The following WDPCP variants were observed in gnomAD, a reference collection of about 807,000 sequenced individuals.
The protein encoded by WDPCP is WD repeat containing planar cell polarity effector, also known as WD repeat-containing and planar cell polarity effector protein fritz homolog.
A neutral mutation model predicts 93.1 loss-of-function variants in WDPCP; 71 were observed. That is an observed-to-expected ratio of 0.76 (90% CI 0.63 to 0.93). The LOEUF (loss-of-function observed/expected upper bound fraction) is 0.93. WDPCP is among the 40% of genes least tolerant of loss of function. The probability of loss-of-function intolerance (pLI) is 0.00; values close to 1 mark genes in which losing one functional copy is unlikely to be tolerated. For synonymous variants in WDPCP, 315 were observed against 315.0 expected, an observed-to-expected ratio of 1.00 and a Z score of 0.00; for missense variants, 844 against 887.4, an observed-to-expected ratio of 0.95 and a Z score of 0.62.
intron 15 of WDPCP, 34 bp downstream of exon 15, chr2:63,174,636 T>C: frequency 1.2e-6 from 2 of 1,612,604 alleles, no homozygotes; most frequent in Non-Finnish European, 8.5e-7. Context: ...CTAAATACTT[T>C]ATGGAGCAAT....
intron 12 of WDPCP, among the ~76,000 whole-genome samples, chr2:63,332,343 T>C (rs531845292): frequency 6.6e-6 from 1 of 152,206 alleles, no homozygotes; most frequent in Admixed American, 6.5e-5. Flanking sequence ...TAACATCTTA[T>C]ATATCCAAGA....
chr2:63,380,179 A>G (rs1354373636), intron 11 of WDPCP, among the ~76,000 whole-genome samples: 1 of 152,076 alleles, frequency 6.6e-6, no homozygotes, highest in Non-Finnish European at 1.5e-5. Context: ...GATCTCTTAT[A>G]TAAATTGTGT....
At chr2:63,445,884 G>C (rs574897214) in intron 6 of WDPCP, among the ~76,000 whole-genome samples, 1 of 152,204 alleles carries the variant, frequency 6.6e-6, no homozygotes, top group African/African-American at 2.4e-5. Context: ...CAGTATAACT[G>C]ATACAAAATA....
intron 14 of WDPCP, among the ~76,000 whole-genome samples, chr2:63,209,379 C>G (rs1200220743): frequency 2.0e-5 from 3 of 152,124 alleles, no homozygotes; most frequent in Non-Finnish European, 4.4e-5. Context: ...AATGACCAAG[C>G]TTTAGGGTTC....
chr2:63,532,851 A>T (rs949451607), intron 1 of WDPCP, among the ~76,000 whole-genome samples: 11 of 152,220 alleles, frequency 7.2e-5, no homozygotes, highest in Non-Finnish European at 1.6e-4. Flanking sequence ...TCAAATTAAC[A>T]CGTAACAATA....
chr2:63,269,042 G>A (rs567038978), intron 13 of WDPCP, among the ~76,000 whole-genome samples: 1 of 150,744 alleles, frequency 6.6e-6, no homozygotes, highest in African/African-American at 2.4e-5. Context: ...TTTTTTATTT[G>A]TTGGCCCCTT....
chr2:63,273,583 ACT>A (rs1180801465), intron 13 of WDPCP, among the ~76,000 whole-genome samples: 2 of 152,150 alleles, frequency 1.3e-5, no homozygotes, highest in Non-Finnish European at 2.9e-5. Context: ...CCTATAAGAC[ACT>A]GACTTCACCT....
At chr2:63,206,324 T>A (rs1301770261) in intron 14 of WDPCP, among the ~76,000 whole-genome samples, 1 of 152,222 alleles carries the variant, frequency 6.6e-6, no homozygotes, top group Non-Finnish European at 1.5e-5. Flanking sequence ...TGTCTGTTGG[T>A]TCTCTACTAT....
At chr2:63,636,935 C>A (rs562851861) in intron 3 of WDPCP, among the ~76,000 whole-genome samples, 2 of 152,296 alleles carry the variant, frequency 1.3e-5, no homozygotes, top group South Asian at 4.1e-4. Context: ...TTGGATTTAA[C>A]ATTTAAGTGT....
At chr2:63,545,476 C>A (rs541840853) in intron 1 of WDPCP, among the ~76,000 whole-genome samples, 1 of 152,152 alleles carries the variant, frequency 6.6e-6, no homozygotes, top group South Asian at 2.1e-4. Flanking sequence ...GGTATGCAAT[C>A]AAATCTTCTT....
chr2:63,739,823 A>G (rs937684880), intron 2 of WDPCP, among the ~76,000 whole-genome samples: 8 of 152,046 alleles, frequency 5.3e-5, no homozygotes, highest in Non-Finnish European at 7.4e-5. Flanking sequence ...GCACTTCTCT[A>G]ATGATCAGTG....
chr2:63,157,223 A>G (rs1049450760), intron 15 of WDPCP, among the ~76,000 whole-genome samples: 4 of 151,912 alleles, frequency 2.6e-5, no homozygotes, highest in African/African-American at 7.2e-5. Flanking sequence ...TAATTCTAGT[A>G]TACTATTATT....
At chr2:63,636,596 G>A (rs753519974) in intron 3 of WDPCP, among the ~76,000 whole-genome samples, 12 of 152,088 alleles carry the variant, frequency 7.9e-5, no homozygotes, top group Non-Finnish European at 1.3e-4. Context: ...CCACATGCCT[G>A]GCTAATCTTT....
intron 12 of WDPCP, among the ~76,000 whole-genome samples, chr2:63,367,204 A>G (rs982729965): frequency 2.0e-5 from 3 of 151,964 alleles, no homozygotes; most frequent in African/African-American, 7.2e-5. Flanking sequence ...TAAAGCTTAT[A>G]ATTACTTAAA....
intron 12 of WDPCP, among the ~76,000 whole-genome samples, chr2:63,328,641 C>T (rs1319269701): frequency 6.6e-6 from 1 of 152,200 alleles, no homozygotes; most frequent in African/African-American, 2.4e-5. Flanking sequence ...TCAGTGAGAC[C>T]AAGAACCCAC....
At chr2:63,194,213 C>G (rs960757878) in intron 14 of WDPCP, among the ~76,000 whole-genome samples, 1 of 151,964 alleles carries the variant, frequency 6.6e-6, no homozygotes, top group African/African-American at 2.4e-5. Context: ...TAATATTTTT[C>G]CATTTTTTTA....
intron 14 of WDPCP, among the ~76,000 whole-genome samples, chr2:63,246,049 T>C (rs1449821851): frequency 6.6e-6 from 1 of 152,180 alleles, no homozygotes; most frequent in African/African-American, 2.4e-5. Context: ...AAGTCTATAA[T>C]ATTGATGAAA....
intron 3 of WDPCP, among the ~76,000 whole-genome samples, chr2:63,614,842 T>C (rs1008734664): frequency 6.6e-6 from 1 of 152,206 alleles, no homozygotes; most frequent in African/African-American, 2.4e-5. Flanking sequence ...CCTCAGTTGA[T>C]TACCATTAGA....
At chr2:63,219,176 A>G (rs1407485888) in intron 14 of WDPCP, among the ~76,000 whole-genome samples, 1 of 152,190 alleles carries the variant, frequency 6.6e-6, no homozygotes, top group East Asian at 1.9e-4. Context: ...CATTTTCTGA[A>G]TTCACCTCTG....
Sources: gnomAD v4.1 joint callset for allele counts (sites outside exome capture counted in the v4.1 genomes callset) on GRCh38, gnomAD v4.1.1 for gene constraint, MANE v1.5 for transcripts, NCBI Gene and HGNC (gene_info 2026-07-23, HGNC 2026-07-21) for gene names.